Variants in C8B observed in about 807,000 individuals in gnomAD.
C8B encodes the protein complement C8 beta chain.
In C8B, 67 loss-of-function variants were observed where a neutral mutation model predicts 64.6. That is an observed-to-expected ratio of 1.04 (90% CI 0.85 to 1.27). The LOEUF (loss-of-function observed/expected upper bound fraction) is 1.27, where lower values mean the gene tolerates loss of function less well. Ranked by LOEUF, C8B falls within the 50% of genes most tolerant of loss-of-function variation. The pLI is 0.00. For missense variants in C8B, 790 were observed against 725.2 expected (o/e 1.09, Z -1.03); for synonymous variants, 284 against 257.7 (o/e 1.10, Z -0.98).
Position 56,929,418 on chromosome 1 carries a change from G to C in C8B, c.1762C>G (p.Leu588Val). 1 of 1,612,246 alleles carries C rather than the reference G, an allele frequency of 6.2e-7. No homozygotes were observed. The highest frequency in any genetic ancestry group is 8.5e-7 in the Non-Finnish European group (1 of 1,179,914). Residue 588 changes from leucine (L) to valine (V), a missense_variant, in exon 12 of 12, where the codon CTT becomes GTT. By Grantham distance (32) the Leu-to-Val change is conservative (BLOSUM62 1). Coordinates refer to ENST00000371237, the MANE Select transcript of C8B (RefSeq NM_000066.4). ...SPCSGPASET[L>V]DCS ...TGTATCATCTGCTAGGAGCAGTCAAGTGTTTCTGAAGCAGGGCCTGAACAG... is the reference window on the plus strand; with the variant it reads ...TGTATCATCTGCTAGGAGCAGTCAACTGTTTCTGAAGCAGGGCCTGAACAG...
chr1:56,930,767 A>T (rs1270643154), intron 11 of C8B, among the ~76,000 whole-genome samples: 1 of 152,182 alleles, frequency 6.6e-6, no homozygotes, highest in African/African-American at 2.4e-5. Context: ...TGTTGTGAGG[A>T]TTAAAGAATT....
rs759074976 is a variant in C8B at position 56,965,922 on chromosome 1, C to T, written c.27G>A (p.Trp9Ter). 15 of 1,613,914 alleles carry T rather than the reference C, an allele frequency of 9.3e-6. No individual in the cohort carries two copies. In the African/African-American group the frequency reaches 2.0e-4, roughly 22 times the overall value. Residue 9 changes from tryptophan to a stop codon, truncating the protein, a stop_gained, in exon 1 of 12, where the codon TGG becomes TGA. Coordinates refer to ENST00000371237, the MANE Select transcript of C8B (RefSeq NM_000066.4). LOFTEE classifies it high-confidence loss of function. MKNSRTWA[W>*]RAPVELFLLC... ...GAAGAAATAGCTCCACCGGCGCCCT[C>T]CAAGCCCATGTCCTGGAATTCTTCA...
chr1:56,938,946 G>C (rs192417002), intron 9 of C8B, among the ~76,000 whole-genome samples: 4 of 152,018 alleles, frequency 2.6e-5, no homozygotes, highest in Non-Finnish European at 5.9e-5. Flanking sequence ...TCCAACTCAG[G>C]GTGGGAAGGT....
intron 8 of C8B, among the ~76,000 whole-genome samples, chr1:56,943,059 G>A (rs1378111256): frequency 1.3e-5 from 2 of 151,632 alleles, no homozygotes; most frequent in Admixed American, 1.3e-4. Flanking sequence ...TCACGCCAGA[G>A]TAAGACTCTG....
At chr1:56,962,897 C>A (rs781408141) in intron 1 of C8B, among the ~76,000 whole-genome samples, 3 of 152,166 alleles carry the variant, frequency 2.0e-5, no homozygotes, top group Non-Finnish European at 4.4e-5. Flanking sequence ...TTTTGTTAAT[C>A]AACATTGCAT....
chr1:56,944,911 G>A (rs961945238), intron 7 of C8B, among the ~76,000 whole-genome samples: 1 of 152,214 alleles, frequency 6.6e-6, no homozygotes, highest in Admixed American at 6.5e-5. Context: ...CATGTCATAG[G>A]AAAGGATATT....
rs754974981 is a variant in C8B at position 56,954,717 on chromosome 1, G to C, written c.502C>G (p.Gln168Glu). 2 of 1,614,050 alleles carry C rather than the reference G, an allele frequency of 1.2e-6. No individual in the cohort carries two copies. Among genetic ancestry groups the C allele is most frequent in the Non-Finnish European group, 1.7e-6 (2 of 1,179,984 alleles). Residue 168 changes from glutamine (Q) to glutamate (E), a missense_variant, in exon 4 of 12, where the codon CAA becomes GAA. Gln to Glu is a conservative substitution (Grantham distance 29, BLOSUM62 2). Coordinates refer to ENST00000371237, the MANE Select transcript of C8B (RefSeq NM_000066.4). ...IYKKCQHEMD[Q>E]YWGIGSLASG... ...GCCAGACTGCCAATTCCCCAGTATTGGTCCATTTCATGCTGACATTTTTTA... is the reference window on the plus strand; with the variant it reads ...GCCAGACTGCCAATTCCCCAGTATTCGTCCATTTCATGCTGACATTTTTTA...
chr1:56,946,038 G>A lies in C8B; in HGVS notation c.888C>T (p.Arg296=). Residue 296 remains arginine, a synonymous_variant, in exon 7 of 12, where the codon CGC becomes CGT. Transcript: ENST00000371237. ...SHTKSVFLHA[R]SDLEVAHYKL... ...TGTAATGTGCTACTTCAAGGTCAGA[G>A]CGTGCATGCAGAAATACGCTTTTCT... The A allele has an allele frequency of 1.9e-6, 3 of 1,614,134 alleles. No homozygotes were observed. The highest frequency in any genetic ancestry group is 2.5e-6 in the Non-Finnish European group (3 of 1,180,000).
At chr1:56,956,511 A>G (rs1645105379) in intron 3 of C8B, among the ~76,000 whole-genome samples, 1 of 152,226 alleles carries the variant, frequency 6.6e-6, no homozygotes, top group East Asian at 1.9e-4. Context: ...TTTTCCACTT[A>G]CCTGCTATAT....
intron 10 of C8B, among the ~76,000 whole-genome samples, chr1:56,932,928 C>T (rs1345501547): frequency 6.6e-6 from 1 of 152,134 alleles, no homozygotes; most frequent in Admixed American, 6.5e-5. Flanking sequence ...TCCCAGTCTG[C>T]CCTGCTCACT....
chr1:56,965,424 T>TGTGTGTGTGTGTGTG (rs1645241112), intron 1 of C8B, among the ~76,000 whole-genome samples: 1 of 150,464 alleles, frequency 6.6e-6, no homozygotes, highest in East Asian at 2.0e-4. Context: ...TGTGTGTGTG[T>TGTGTGTGTGTGTGTG]AAGAAGGGGG....
At chr1:56,961,573 C>T (rs185360885) in intron 1 of C8B, among the ~76,000 whole-genome samples, 44 of 152,262 alleles carry the variant, frequency 2.9e-4, no homozygotes, top group Admixed American at 2.2e-3. Flanking sequence ...GAAACAGGGC[C>T]AGCACTGACT....
At chr1:56,956,665 C>A in intron 3 of C8B, 104 bp downstream of exon 3, 1 of 1,283,178 alleles carries the variant, frequency 7.8e-7, no homozygotes, top group Non-Finnish European at 1.1e-6. Context: ...CCTGAGCTGC[C>A]CCATGACCCT....
intron 10 of C8B, among the ~76,000 whole-genome samples, chr1:56,932,265 A>G (rs1240613040): frequency 6.6e-6 from 1 of 152,006 alleles, no homozygotes; most frequent in Non-Finnish European, 1.5e-5. Context: ...GGAACTCATT[A>G]CTCTTAGATG....
intron 8 of C8B, among the ~76,000 whole-genome samples, chr1:56,943,479 A>T (rs752093460): frequency 1.3e-5 from 2 of 152,244 alleles, no homozygotes; most frequent in African/African-American, 4.8e-5. Flanking sequence ...GACTGGAAGG[A>T]TTATATTCCA....
Position 56,941,917 on chromosome 1 carries a change from C to G in C8B, c.1235-905G>C, listed in dbSNP as rs147399358. 1.1e-3 allele frequency among the ~76,000 whole-genome samples: 167 copies of G among 152,370 alleles called. No individual in the cohort carries two copies. In the Middle Eastern group the frequency reaches 0.017, roughly 16 times the overall value. On this transcript the variant is annotated intron_variant, in intron 8 of 11. Transcript: ENST00000371237. ...ACCTTGACCAGGCATGAGTCCATCT[C>G]TGACTTTGTCTAGCCTTGTGGTTTG...
In C8B at chr1:56,929,258, G is replaced by T; in HGVS notation, c.*146C>A. 1 of 815,354 alleles carries T rather than the reference G, an allele frequency of 1.2e-6. No individual in the cohort carries two copies. Among genetic ancestry groups the T allele is most frequent in the Non-Finnish European group, 2.1e-6 (1 of 471,100 alleles). The allele number at this position is 815,354 out of a possible 1,614,324, so 50.5% of individuals were successfully genotyped here. ...TTTAAATCAACTTGCATTTTACAAG[G>T]TAACATCTTTATTTTAAACAGCTTG... is the stretch of plus-strand genomic sequence containing the variant. On this transcript the variant is annotated 3_prime_UTR_variant, in exon 12 of 12. Transcript: ENST00000371237.
At chr1:56,949,008 ATT>A (rs35709186) in intron 6 of C8B, among the ~76,000 whole-genome samples, 3 of 148,518 alleles carry the variant, frequency 2.0e-5, no homozygotes, top group African/African-American at 2.5e-5. Flanking sequence ...TAAGTTAGCT[ATT>A]TTTTTTTTTT....
intron 10 of C8B, 148 bp from the exon 11 acceptor site, chr1:56,932,026 G>A: frequency 1.5e-6 from 1 of 666,294 alleles, no homozygotes; most frequent in Non-Finnish European, 2.7e-6. Flanking sequence ...TTCAGGGCCA[G>A]GAATACCTAC....
Sources: gnomAD v4.1 joint callset for allele counts (sites outside exome capture counted in the v4.1 genomes callset) on GRCh38, gnomAD v4.1.1 for gene constraint, MANE v1.5 for transcripts, NCBI Gene and HGNC (gene_info 2026-07-23, HGNC 2026-07-21) for gene names.